Variants in AMD1 observed in about 807,000 individuals in gnomAD.
AMD1 encodes S-adenosylmethionine decarboxylase proenzyme.
In AMD1, 11 loss-of-function variants were observed where a neutral mutation model predicts 40.2. That is an observed-to-expected ratio of 0.27 (90% CI 0.17 to 0.45). The LOEUF (loss-of-function observed/expected upper bound fraction) is 0.45. Ranked by LOEUF, AMD1 falls within the 20% of genes least tolerant of loss-of-function variation. The pLI is 1.00. For missense variants in AMD1, 257 were observed against 410.2 expected (o/e 0.63, Z 3.23); for synonymous variants, 121 against 130.8 (o/e 0.93, Z 0.51).
chr6:110,875,173 C>A lies in AMD1; in HGVS notation c.68C>A (p.Pro23His), dbSNP rs1675321993. Residue 23 changes from proline to histidine, a missense_variant, in exon 1 of 9, where the codon CCC (proline) becomes CAC (histidine). Physicochemically the swap from Pro to His is moderately conservative, Grantham distance 77 (BLOSUM62 -2). Coordinates refer to ENST00000368885, the MANE Select transcript of AMD1 (RefSeq NM_001634.6). Reference sequence around the variant, plus strand: ...GAGGTTTGGTTCTCCCGGCAGCAGCCCGACGCAAACCAAGGATCTGGGGAT... The same window carrying A: ...GAGGTTTGGTTCTCCCGGCAGCAGCACGACGCAAACCAAGGATCTGGGGAT... ...LLEVWFSRQQ[P>H]DANQGSGDLR... 6.2e-7 allele frequency: 1 copy of A among 1,613,134 alleles called. No individual in the cohort carries two copies. Among genetic ancestry groups the A allele is most frequent in the Admixed American group, 1.7e-5 (1 of 59,888 alleles).
chr6:110,848,595 G>A, the AMD1 span: 1 of 534,410 alleles, frequency 1.9e-6, no homozygotes, highest in Non-Finnish European at 3.0e-6. Context: ...CTTTAGGAAA[G>A]GTGCAAAAAA....
the AMD1 span, chr6:110,858,903 CG>C: frequency 2.3e-6 from 2 of 861,402 alleles, no homozygotes; most frequent in East Asian, 4.8e-5. Flanking sequence ...GTGGGCATGA[CG>C]GCTCCGGGAC....
the AMD1 span, among the ~76,000 whole-genome samples, chr6:110,867,925 A>G: frequency 6.6e-6 from 1 of 152,180 alleles, no homozygotes. Context: ...TGCTAGGACA[A>G]TGGTCAACCA....
chr6:110,867,926 T>A, the AMD1 span, among the ~76,000 whole-genome samples: 2 of 152,188 alleles, frequency 1.3e-5, no homozygotes, highest in African/African-American at 4.8e-5. Context: ...GCTAGGACAA[T>A]GGTCAACCAC....
chr6:110,867,016 T>C, the AMD1 span, among the ~76,000 whole-genome samples: 1 of 152,066 alleles, frequency 6.6e-6, no homozygotes, highest in Admixed American at 6.6e-5. Context: ...GGTTTCACCG[T>C]GTTAGCCAGG....
chr6:110,849,620 AT>A, the AMD1 span, among the ~76,000 whole-genome samples: 13 of 152,070 alleles, frequency 8.5e-5, no homozygotes, highest in Non-Finnish European at 1.8e-4. Context: ...CATTTACACA[AT>A]TTTTTTTAAA....
chr6:110,867,470 C>A, the AMD1 span, among the ~76,000 whole-genome samples: 1 of 152,086 alleles, frequency 6.6e-6, no homozygotes. Context: ...TAGAGACCAG[C>A]CTGGTCAACA....
chr6:110,890,657 T>G, intron 4 of AMD1: 1 of 183,984 alleles, frequency 5.4e-6, no homozygotes, highest in African/African-American at 2.3e-5. Context: ...GGCTAATTTT[T>G]TTTTAATTTT....
At chr6:110,891,397 A>G (rs565556826) in intron 4 of AMD1, 1 of 152,310 alleles carries the variant, frequency 6.6e-6, no homozygotes, top group South Asian at 2.1e-4. Flanking sequence ...AGCATTTTAT[A>G]TAATAATTGA....
chr6:110,853,129 T>C, the AMD1 span, among the ~76,000 whole-genome samples: 1 of 151,808 alleles, frequency 6.6e-6, no homozygotes, highest in African/African-American at 2.4e-5. Flanking sequence ...CTTTCTTTTT[T>C]TCTTTTTTTT....
chr6:110,836,466 G>C, the AMD1 span, among the ~76,000 whole-genome samples: 2 of 152,064 alleles, frequency 1.3e-5, no homozygotes, highest in African/African-American at 4.8e-5. Context: ...ACAGTATATA[G>C]ATAACAGAGT....
intron 4 of AMD1, chr6:110,891,700 G>GGTCGC: frequency 1.1e-5 from 2 of 174,128 alleles, no homozygotes; most frequent in South Asian, 1.3e-4. Context: ...AGTCGATCCT[G>GGTCGC]CTTATCTGGG....
At chr6:110,817,284 A>C in the AMD1 span, among the ~76,000 whole-genome samples, 7,247 of 152,250 alleles carry the variant, frequency 0.048, 180 homozygotes, top group Middle Eastern at 0.078. Context: ...TATTTGCTAC[A>C]TCACCCACTC....
chr6:110,873,923 T>C (rs1424863820), upstream of AMD1, among the ~76,000 whole-genome samples: 2 of 152,194 alleles, frequency 1.3e-5, no homozygotes, highest in African/African-American at 4.8e-5. Flanking sequence ...AAGAAAAACA[T>C]GATCAAATAA....
At chr6:110,877,809 A>G (rs1785196330) in intron 1 of AMD1, among the ~76,000 whole-genome samples, 1 of 152,226 alleles carries the variant, frequency 6.6e-6, no homozygotes, top group Non-Finnish European at 1.5e-5. Flanking sequence ...CCTGGGCTCT[A>G]TTAAGATGTG....
intron 2 of AMD1, among the ~76,000 whole-genome samples, chr6:110,888,030 T>G (rs903586155): frequency 2.6e-5 from 4 of 152,050 alleles, no homozygotes; most frequent in Admixed American, 6.6e-5. Flanking sequence ...AAGGAAACAT[T>G]TAGTGTAACG....
the AMD1 span, among the ~76,000 whole-genome samples, chr6:110,841,108 G>C: frequency 1.3e-5 from 2 of 152,120 alleles, no homozygotes; most frequent in African/African-American, 4.8e-5. Context: ...CCACCTCCTG[G>C]GTTCAAGCGA....
chr6:110,877,866 A>G (rs1562334491), intron 1 of AMD1, among the ~76,000 whole-genome samples: 1 of 152,240 alleles, frequency 6.6e-6, no homozygotes, highest in Non-Finnish European at 1.5e-5. Context: ...AATTAAACAA[A>G]TCTGTTTATA....
chr6:110,875,211 C>G lies in AMD1; in HGVS notation c.106C>G (p.Pro36Ala). 1 of 1,607,238 alleles carries G rather than the reference C, an allele frequency of 6.2e-7. No individual in the cohort carries two copies. Among genetic ancestry groups the G allele is most frequent in the African/African-American group, 1.3e-5 (1 of 74,828 alleles). The stretch of plus-strand genomic sequence containing the variant: ...AGGATCTGGGGATCTTCGCACTATC[C>G]CAAGGTGGGTCCCCGGGGCGCTCGC... ...NQGSGDLRTIPRSEWDILLKD... is the reference protein window; with the variant it reads ...NQGSGDLRTIARSEWDILLKD... Residue 36 changes from proline to alanine, a missense_variant, in exon 1 of 9, where the codon CCA becomes GCA. By Grantham distance (27) the Pro-to-Ala change is conservative (BLOSUM62 -1). This residue lies in a region of AMD1 where 57 missense variants were observed against 76.8 expected (regional missense o/e 0.74). Coordinates refer to ENST00000368885, the MANE Select transcript of AMD1 (RefSeq NM_001634.6).
Sources: allele counts gnomAD v4.1 joint callset (sites outside exome capture counted in the v4.1 genomes callset), GRCh38; gene constraint gnomAD v4.1.1; regional missense constraint gnomAD v4.1.1; transcripts MANE v1.5; gene names NCBI Gene and HGNC (gene_info 2026-07-23, HGNC 2026-07-21).